ARMC8: variants seen among roughly 807,000 people sequenced by gnomAD.
ARMC8 encodes the protein armadillo repeat-containing protein 8.
ARMC8 carries 20 observed loss-of-function variants against 99.3 expected under a neutral mutation model. The observed-to-expected ratio is 0.20, with a 90% CI of 0.14 to 0.29. The LOEUF is 0.29. ARMC8 is among the 10% of genes least tolerant of loss of function. ARMC8 has a pLI of 1.00. For missense variants in ARMC8, 569 were observed against 809.5 expected (o/e 0.70, Z 3.60); for synonymous variants, 263 against 278.3 (o/e 0.95, Z 0.55).
intron 6 of ARMC8, among the ~76,000 whole-genome samples, chr3:138,231,793 A>G (rs1339444414): frequency 3.3e-5 from 5 of 151,458 alleles, no homozygotes; most frequent in Non-Finnish European, 7.4e-5. Flanking sequence ...GGGGGGAAAA[A>G]AAAAAGACCA....
Position 138,245,116 on chromosome 3 carries a change from A to T in ARMC8, c.1067A>T (p.Glu356Val), listed in dbSNP as rs754642352. 6 of 1,614,066 alleles carry T rather than the reference A, an allele frequency of 3.7e-6. No individual in the cohort carries two copies. In the East Asian group the frequency reaches 1.3e-4, roughly 36 times the overall value. Residue 356 changes from glutamate (E) to valine (V), a missense_variant, in exon 12 of 22, where the codon GAA becomes GTA. This residue lies in a region of ARMC8 where 227 missense variants were observed against 417.9 expected (regional missense o/e 0.54). Coordinates refer to ENST00000469044, the MANE Select transcript of ARMC8 (RefSeq NM_001363941.2). ...RLDHDLKHAH[E>V]LRQAAFKLYA... Reference sequence around the variant, plus strand: ...GATCATGATTTAAAACATGCTCACGAACTCCGCCAGGCTGCATTCAAGCTC... The same window carrying T: ...GATCATGATTTAAAACATGCTCACGTACTCCGCCAGGCTGCATTCAAGCTC...
chr3:138,264,109 T>C, intron 13 of ARMC8, 22 bp from the exon 14 acceptor site: 1 of 1,599,206 alleles, frequency 6.3e-7, no homozygotes, highest in Non-Finnish European at 8.5e-7. Flanking sequence ...CTTGTGAAGC[T>C]AATTTTGATT....
intron 12 of ARMC8, among the ~76,000 whole-genome samples, chr3:138,248,460 A>G (rs965495826): frequency 2.1e-4 from 32 of 152,224 alleles, no homozygotes; most frequent in African/African-American, 7.0e-4. Flanking sequence ...TTTACCATAT[A>G]TTAATGCTGA....
At chr3:138,195,164 G>C (rs956365712) in intron 1 of ARMC8, among the ~76,000 whole-genome samples, 2 of 152,094 alleles carry the variant, frequency 1.3e-5, no homozygotes, top group South Asian at 4.2e-4. Context: ...TGTAGTCCCA[G>C]CTACTCGGGA....
Position 138,274,503 on chromosome 3 carries a change from C to G in ARMC8, c.1684C>G (p.Leu562Val). ...HGKQIMQAVT[L>V]ILEGEHNIEV... ...AAAGCAAATTATGCAAGCCGTCACTCTTATTCTAGAAGGGGAACATAACAT... is the reference window on the plus strand; with the variant it reads ...AAAGCAAATTATGCAAGCCGTCACTGTTATTCTAGAAGGGGAACATAACAT... Residue 562 changes from leucine (L) to valine (V), a missense_variant, in exon 18 of 22, where the codon CTT (leucine) becomes GTT (valine). Leu to Val is a conservative substitution (Grantham distance 32, BLOSUM62 1). Coordinates refer to ENST00000469044, the MANE Select transcript of ARMC8 (RefSeq NM_001363941.2). 1.2e-6 allele frequency: 2 copies of G among 1,613,304 alleles called. No homozygotes were observed. Among genetic ancestry groups the G allele is most frequent in the Non-Finnish European group, 1.7e-6 (2 of 1,179,362 alleles).
chr3:138,230,183 T>A (rs75658560), intron 6 of ARMC8, among the ~76,000 whole-genome samples: 47 of 152,350 alleles, frequency 3.1e-4, no homozygotes, highest in African/African-American at 1.1e-3. Flanking sequence ...CAATGCCTTA[T>A]AATCTTTTGA....
chr3:138,253,224 C>A (rs1368672738), intron 12 of ARMC8, among the ~76,000 whole-genome samples: 2 of 152,196 alleles, frequency 1.3e-5, no homozygotes, highest in African/African-American at 4.8e-5. Context: ...TCAACAGAAT[C>A]TGTTTGGGAA....
intron 12 of ARMC8, among the ~76,000 whole-genome samples, chr3:138,253,489 A>T (rs1447321035): frequency 6.6e-6 from 1 of 152,220 alleles, no homozygotes; most frequent in Non-Finnish European, 1.5e-5. Context: ...TGCTAAGTTA[A>T]ATACCATTAT....
intron 6 of ARMC8, among the ~76,000 whole-genome samples, chr3:138,230,822 T>A (rs989423208): frequency 6.6e-6 from 1 of 152,190 alleles, no homozygotes; most frequent in African/African-American, 2.4e-5. Context: ...ATTCCTGAAG[T>A]TACCTAAATA....
rs1334807423 is a variant in ARMC8 at position 138,209,847 on chromosome 3, G to C, written c.76G>C (p.Asp26His). ...AACAGCTAGCAGTCGCCACTATGTT[G>C]ACAGGCTATTTGACCCTGATCCCCA... Reference protein sequence around the residue: ...EVTASSRHYVDRLFDPDPQKV... With the variant: ...EVTASSRHYVHRLFDPDPQKV... The change falls in exon 2 of 22, where the codon GAC (aspartate) becomes CAC (histidine). Residue 26 changes from aspartate to histidine, a missense_variant. Physicochemically the swap from Asp to His is moderately conservative, Grantham distance 81 (BLOSUM62 -1). Transcript: ENST00000469044. The C allele has an allele frequency of 1.2e-6, 2 of 1,613,776 alleles. No homozygotes were observed. The highest frequency in any genetic ancestry group is 1.7e-6 in the Non-Finnish European group (2 of 1,179,890).
intron 12 of ARMC8, among the ~76,000 whole-genome samples, chr3:138,259,738 A>C (rs1044940965): frequency 6.6e-6 from 1 of 152,204 alleles, no homozygotes. Context: ...TTTACCAGCC[A>C]CCTTATAGCT....
intron 2 of ARMC8, among the ~76,000 whole-genome samples, chr3:138,211,238 A>T (rs1187082678): frequency 6.6e-6 from 1 of 152,198 alleles, no homozygotes; most frequent in Non-Finnish European, 1.5e-5. Context: ...CCGTATATAG[A>T]TAATTCTAAG....
At chr3:138,272,797 G>A (rs1230084753) in intron 16 of ARMC8, among the ~76,000 whole-genome samples, 170 bp from the exon 17 acceptor site, 3 of 152,140 alleles carry the variant, frequency 2.0e-5, no homozygotes, top group African/African-American at 7.2e-5. Flanking sequence ...GCTTGAACCC[G>A]GGAGGCAGAG....
chr3:138,202,368 TGAGTATTTAGCTTAGTTTGA>T (rs2044132471), intron 1 of ARMC8, among the ~76,000 whole-genome samples: 1 of 152,258 alleles, frequency 6.6e-6, no homozygotes. Flanking sequence ...TGGTTTTTGC[TGAGTATTTAGCTTAGTTTGA>T]GAGTAAGCTG....
At chr3:138,222,574 G>A (rs2045461231) in intron 3 of ARMC8, among the ~76,000 whole-genome samples, 1 of 152,024 alleles carries the variant, frequency 6.6e-6, no homozygotes, top group Non-Finnish European at 1.5e-5. Context: ...TAAGTTTTCT[G>A]TGCAATTGCT....
At chr3:138,220,743 G>A (rs1048251985) in intron 2 of ARMC8, among the ~76,000 whole-genome samples, 10 of 147,940 alleles carry the variant, frequency 6.8e-5, no homozygotes, top group Admixed American at 2.7e-4. Flanking sequence ...TGACTGGGGT[G>A]CAGTGGCGCG....
intron 3 of ARMC8, among the ~76,000 whole-genome samples, chr3:138,222,277 A>C (rs146918988): frequency 1.2e-4 from 19 of 152,334 alleles, no homozygotes; most frequent in Non-Finnish European, 2.2e-4. Flanking sequence ...TGCAATGTAC[A>C]ACAGCCTGAT....
At position 138,239,512 on chromosome 3, in the gene ARMC8, A is replaced by G; in HGVS notation, c.821A>G (p.Asn274Ser). 1 of 1,598,776 alleles carries G rather than the reference A, an allele frequency of 6.3e-7. No homozygotes were observed. Among genetic ancestry groups the G allele is most frequent in the South Asian group, 1.1e-5 (1 of 87,584 alleles). ...GCTGGAGCAATTCGGACAGATGATA[A>G]CTGTATTGTATTAAAGGTAAGCTAA... The part of the protein sequence containing the change: ...CRAGAIRTDD[N>S]CIVLKTLPCL... Residue 274 changes from asparagine (N) to serine (S), a missense_variant, in exon 10 of 22, where the codon AAC becomes AGC. This residue lies in a region of ARMC8 where 342 missense variants were observed against 391.6 expected (regional missense o/e 0.87). Transcript: ENST00000469044.
chr3:138,291,334 C>T (rs932062672), intron 21 of ARMC8, among the ~76,000 whole-genome samples: 1 of 152,246 alleles, frequency 6.6e-6, no homozygotes, highest in African/African-American at 2.4e-5. Context: ...ACACCCCATA[C>T]TGCAGCCATA....
Sources: allele counts gnomAD v4.1 joint callset (sites outside exome capture counted in the v4.1 genomes callset), GRCh38; gene constraint gnomAD v4.1.1; regional missense constraint gnomAD v4.1.1; transcripts MANE v1.5; gene names NCBI Gene and HGNC (gene_info 2026-07-23, HGNC 2026-07-21).